TMEM170B: variants seen among roughly 807,000 people sequenced by gnomAD.
The protein encoded by TMEM170B is transmembrane protein 170B.
In TMEM170B, 6 loss-of-function variants were observed where a neutral mutation model predicts 13.0. The ratio of observed to expected loss-of-function variants is 0.46; its 90% confidence interval spans 0.25 to 0.91. The LOEUF (loss-of-function observed/expected upper bound fraction) is 0.91, where lower values mean the gene tolerates loss of function less well. Among genes scored for constraint, TMEM170B ranks in the 40% least tolerant of loss-of-function variants. The pLI, the probability that TMEM170B is intolerant of heterozygous loss-of-function variation, is 0.17. For missense variants in TMEM170B, 138 were observed against 165.2 expected, an observed-to-expected ratio of 0.84 and a Z score of 0.90; for synonymous variants, 61 against 64.9, an observed-to-expected ratio of 0.94 and a Z score of 0.29.
chr6:11,551,142 A>G (rs573994136), intron 1 of TMEM170B, among the ~76,000 whole-genome samples: 1 of 152,264 alleles, frequency 6.6e-6, no homozygotes, highest in African/African-American at 2.4e-5. Context: ...AGGGGCATTC[A>G]TGTGGCTCTT....
chr6:11,569,975 C>T (rs1055972983), intron 2 of TMEM170B, among the ~76,000 whole-genome samples: 2 of 151,576 alleles, frequency 1.3e-5, no homozygotes, highest in South Asian at 4.2e-4. Flanking sequence ...TGTTACTTTC[C>T]TTTCTCAAAG....
intron 2 of TMEM170B, among the ~76,000 whole-genome samples, chr6:11,568,773 C>G (rs1340782088): frequency 6.6e-6 from 1 of 152,120 alleles, no homozygotes; most frequent in African/African-American, 2.4e-5. Context: ...GTTGTGAATA[C>G]TAGTGCACTC....
chr6:11,557,553 T>A (rs887617394), intron 1 of TMEM170B, among the ~76,000 whole-genome samples: 7 of 152,238 alleles, frequency 4.6e-5, no homozygotes, highest in Admixed American at 1.3e-4. Flanking sequence ...TAGATATTTT[T>A]AGAACATGGT....
rs760419892 is a variant in TMEM170B, at chr6:11,545,266, C to CT, written c.97+6893dup. Among the ~76,000 whole-genome samples the CT allele has an allele frequency of 5.5e-3, 623 of 114,080 alleles. 7 individuals are homozygous for CT. Among genetic ancestry groups the CT allele is most frequent in the African/African-American group, 0.018 (583 of 32,028 alleles). 74.8% of individuals were successfully genotyped at this position (114,080 alleles called of 152,430 possible). A position where few individuals can be genotyped will look rare whatever the true frequency, so the allele number is the denominator to read the frequency against. Reference sequence around the variant, plus strand: ...ACCTGGAATGAAGGTTAAAAGGCTTCTCTCTCTCTCTCTCTGTGTGTGTGT... The same window carrying CT: ...ACCTGGAATGAAGGTTAAAAGGCTTCTTCTCTCTCTCTCTCTGTGTGTGTGT... On this transcript the variant is annotated intron_variant, in intron 1 of 2. Transcript: ENST00000379426.
chr6:11,558,534 C>T lies in TMEM170B; in HGVS notation c.98-7132C>T, dbSNP rs144825350. ...TCGTAAACCAATTAAATCAGAATGT[C>T]TGGGGGTGGTATCAAGGCATCATCA... On this transcript the variant is annotated intron_variant, in intron 1 of 2. Transcript: ENST00000379426. Among the ~76,000 whole-genome samples, 172 of 152,300 alleles carry T rather than the reference C, an allele frequency of 1.1e-3. 3 individuals carry two copies. The East Asian group carries it at 0.025, about 23-fold the overall frequency.
At position 11,575,289 on chromosome 6, in the gene TMEM170B, C is replaced by A; in HGVS notation, c.269-142C>A. On this transcript the variant is annotated intron_variant, in intron 2 of 2. Transcript: ENST00000379426. The surrounding 1 kb of genome is among the most constrained non-coding windows in gnomAD (Gnocchi z 4.1). Reference sequence around the variant, plus strand: ...GTAACTTTCACCAATCACAGGGAAACTTTTTCATAGAAAGTGGATAAAATG... The same window carrying A: ...GTAACTTTCACCAATCACAGGGAAAATTTTTCATAGAAAGTGGATAAAATG... The A allele has an allele frequency of 1.7e-6, 2 of 1,202,010 alleles. No homozygotes were observed. Among genetic ancestry groups the A allele is most frequent in the Non-Finnish European group, 2.3e-6 (2 of 865,444 alleles). 74.5% of individuals were successfully genotyped at this position (1,202,010 alleles called of 1,614,324 possible). A position where few individuals can be genotyped will look rare whatever the true frequency, so the allele number is the denominator to read the frequency against.
chr6:11,538,064 C>G lies in TMEM170B; in HGVS notation c.-214C>G, dbSNP rs1759303982. On this transcript the variant is annotated 5_prime_UTR_variant, in exon 1 of 3. Coordinates refer to ENST00000379426, the MANE Select transcript of TMEM170B (RefSeq NM_001100829.3). ...CCGTCCGCCGTCCTCAATGTCTCCC[C>G]GGCGGGGAGGGGGCTGCCTGGGAGA... Among the ~76,000 whole-genome samples the G allele has an allele frequency of 6.6e-6, 1 of 151,196 alleles. No homozygotes were observed. The highest frequency in any genetic ancestry group is 2.4e-5 in the African/African-American group (1 of 41,254).
At chr6:11,572,171 A>G (rs1759813851) in intron 2 of TMEM170B, among the ~76,000 whole-genome samples, 1 of 152,200 alleles carries the variant, frequency 6.6e-6, no homozygotes, top group Non-Finnish European at 1.5e-5. Context: ...CCCGTGGGTC[A>G]TGGAGAAACT....
At chr6:11,551,106 T>G (rs1164994526) in intron 1 of TMEM170B, among the ~76,000 whole-genome samples, 1 of 152,128 alleles carries the variant, frequency 6.6e-6, no homozygotes, top group Non-Finnish European at 1.5e-5. Context: ...TCTGCAGACT[T>G]GTCTAGGGCT....
intron 1 of TMEM170B, among the ~76,000 whole-genome samples, chr6:11,538,839 A>G (rs6938970): frequency 0.086 from 13,029 of 152,168 alleles, 585 homozygotes; most frequent in Middle Eastern, 0.13. Context: ...ACAATGGTCG[A>G]TTTACTTTTT....
chr6:11,552,750 A>C (rs1168383150), intron 1 of TMEM170B, among the ~76,000 whole-genome samples: 1 of 152,204 alleles, frequency 6.6e-6, no homozygotes, highest in Non-Finnish European at 1.5e-5. Flanking sequence ...TTAGCATTAA[A>C]ATGAGGTAGA....
chr6:11,545,298 G>T (rs1316633056), intron 1 of TMEM170B, among the ~76,000 whole-genome samples: 1 of 151,812 alleles, frequency 6.6e-6, no homozygotes, highest in African/African-American at 2.4e-5. Context: ...GTGTGTGTGT[G>T]TGTGTGTGTG....
At chr6:11,547,289 A>G (rs549928766) in intron 1 of TMEM170B, among the ~76,000 whole-genome samples, 2 of 152,210 alleles carry the variant, frequency 1.3e-5, no homozygotes, top group Non-Finnish European at 2.9e-5. Context: ...TGGTATAGTC[A>G]GCACCTTCCT....
Position 11,575,355 on chromosome 6 carries a change from G to A in TMEM170B, c.269-76G>A. 1 of 1,517,160 alleles carries A rather than the reference G, an allele frequency of 6.6e-7. No homozygotes were observed. The highest frequency in any genetic ancestry group is 9.0e-7 in the Non-Finnish European group (1 of 1,113,192). The allele number at this position is 1,517,160 out of a possible 1,614,324, so 94.0% of individuals were successfully genotyped here. A position where few individuals can be genotyped will look rare whatever the true frequency, so the allele number is the denominator to read the frequency against. ...CTTATGTTTTGATGAAATGAAAAGA[G>A]CTCTTAAGGTGCAGCATGCAGTGTG... On this transcript the variant is annotated intron_variant, in intron 2 of 2. Coordinates refer to ENST00000379426, the MANE Select transcript of TMEM170B (RefSeq NM_001100829.3). The surrounding 1 kb of genome is among the most constrained non-coding windows in gnomAD (Gnocchi z 4.1).
intron 1 of TMEM170B, among the ~76,000 whole-genome samples, chr6:11,560,393 C>T (rs868860349): frequency 3.3e-5 from 5 of 149,342 alleles, no homozygotes; most frequent in Admixed American, 1.3e-4. Context: ...AGGATGGTCT[C>T]GATCTCCTGA....
chr6:11,545,317 T>C (rs1210000855), intron 1 of TMEM170B, among the ~76,000 whole-genome samples: 2 of 151,516 alleles, frequency 1.3e-5, no homozygotes, highest in Admixed American at 1.3e-4. Context: ...TGTGTAGTAC[T>C]AGTAGTAAGT....
At chr6:11,571,286 A>G (rs1308390879) in intron 2 of TMEM170B, among the ~76,000 whole-genome samples, 1 of 151,718 alleles carries the variant, frequency 6.6e-6, no homozygotes, top group Non-Finnish European at 1.5e-5. Flanking sequence ...TCTGAGCTCC[A>G]GTGATCCTCC....
At chr6:11,541,998 TAATAA>T (rs1222699349) in intron 1 of TMEM170B, among the ~76,000 whole-genome samples, 1 of 137,250 alleles carries the variant, frequency 7.3e-6, no homozygotes, top group Admixed American at 8.2e-5. Flanking sequence ...ATCACTATAA[TAATAA>T]AATACAATAA....
chr6:11,564,353 C>T (rs571529279), intron 1 of TMEM170B, among the ~76,000 whole-genome samples: 3 of 152,356 alleles, frequency 2.0e-5, no homozygotes, highest in South Asian at 4.1e-4. Flanking sequence ...TTCCTACCAA[C>T]AGTAAATATC....
Sources: allele counts gnomAD v4.1 joint callset (sites outside exome capture counted in the v4.1 genomes callset), GRCh38; gene constraint gnomAD v4.1.1; non-coding constraint Gnocchi (gnomAD v3.1); transcripts MANE v1.5; gene names NCBI Gene and HGNC (gene_info 2026-07-23, HGNC 2026-07-21).